TMEM62: variants seen among roughly 807,000 people sequenced by gnomAD.
The protein encoded by TMEM62 is transmembrane protein 62.
In TMEM62, 41 loss-of-function variants were observed where a neutral mutation model predicts 70.4. That is an observed-to-expected ratio of 0.58 (90% CI 0.45 to 0.76). The LOEUF (loss-of-function observed/expected upper bound fraction) is 0.76. TMEM62 is among the 30% of genes least tolerant of loss of function. The pLI is 0.00. For missense variants in TMEM62, 688 were observed against 788.5 expected, an observed-to-expected ratio of 0.87 and a Z score of 1.53; for synonymous variants, 268 against 291.0, an observed-to-expected ratio of 0.92 and a Z score of 0.80.
rs180931930 is a variant in TMEM62, at chr15:43,177,605, T to C, written c.1382-1002T>C. Among the ~76,000 whole-genome samples the C allele has an allele frequency of 3.0e-3, 460 of 152,242 alleles. 1 individual carries two copies. Among genetic ancestry groups the C allele is most frequent in the Non-Finnish European group, 4.4e-3 (297 of 68,040 alleles). On this transcript the variant is annotated intron_variant, in intron 11 of 13. Transcript: ENST00000260403. ...AGCAAAGACTTGGAACCAACCCAAA[T>C]GTCCAACAACGATAGACTGGATTAA...
Position 43,133,788 on chromosome 15 carries a change from C to T in TMEM62, c.-15C>T. ...CGCGGGATCAGCGAGGGCCGCGCCC[C>T]GGCGGGCGGGCGGCATGGCTGCAGT... is the stretch of plus-strand genomic sequence containing the variant. On this transcript the variant is annotated 5_prime_UTR_variant, in exon 1 of 14. Transcript: ENST00000260403. The T allele has an allele frequency of 7.4e-7, 1 of 1,354,352 alleles. No homozygotes were observed. The highest frequency in any genetic ancestry group is 9.4e-7 in the Non-Finnish European group (1 of 1,062,546). 83.9% of individuals were successfully genotyped at this position (1,354,352 alleles called of 1,614,324 possible). A position where few individuals can be genotyped will look rare whatever the true frequency, so the allele number is the denominator to read the frequency against.
rs1444428888 is a variant in TMEM62 at position 43,178,680 on chromosome 15, T to G, written c.1455T>G (p.Ser485=). The G allele has an allele frequency of 2.5e-6, 4 of 1,612,520 alleles. No homozygotes were observed. The African/African-American group carries it at 5.3e-5, about 22-fold the overall frequency. ...VLSKINIFYY[S]VLLLTLYTVL... is the part of the protein sequence containing the mutation. ...GCAAAATAAACATCTTCTACTATTCTGTGTTGTTGTTGACCCTGTATACAG... is the reference window on the plus strand; with the variant it reads ...GCAAAATAAACATCTTCTACTATTCGGTGTTGTTGTTGACCCTGTATACAG... The change falls in exon 12 of 14, where the codon TCT becomes TCG. Residue 485 remains serine, a synonymous_variant. Coordinates refer to ENST00000260403, the MANE Select transcript of TMEM62 (RefSeq NM_024956.4).
chr15:43,136,455 T>C (rs2035230259), intron 3 of TMEM62, among the ~76,000 whole-genome samples: 1 of 152,162 alleles, frequency 6.6e-6, no homozygotes, highest in African/African-American at 2.4e-5. Context: ...TTATTATTAT[T>C]ATTTTGTGAG....
chr15:43,135,496 T>C lies in TMEM62; in HGVS notation c.293-16T>C, dbSNP rs185581026. ...TTTATTTTGCATTGTGATTCAATTC[T>C]TGTGTAAACCTACAGGAGACCTGAC... On this transcript the variant is annotated splice_polypyrimidine_tract_variant and intron_variant, in intron 2 of 13. Coordinates refer to ENST00000260403, the MANE Select transcript of TMEM62 (RefSeq NM_024956.4). 6.4e-7 allele frequency: 1 copy of C among 1,574,708 alleles called. No homozygotes were observed. The highest frequency in any genetic ancestry group is 1.4e-5 in the African/African-American group (1 of 72,612).
At chr15:43,137,826 A>G (rs1245561011) in intron 3 of TMEM62, among the ~76,000 whole-genome samples, 1 of 152,228 alleles carries the variant, frequency 6.6e-6, no homozygotes, top group African/African-American at 2.4e-5. Flanking sequence ...GCTGCCTGTC[A>G]TGGGGGCAGC....
intron 11 of TMEM62, among the ~76,000 whole-genome samples, chr15:43,174,025 A>C (rs936552358): frequency 2.6e-5 from 4 of 151,660 alleles, no homozygotes; most frequent in Non-Finnish European, 5.9e-5. Context: ...ACACCCAGGT[A>C]ATTTTTGTAT....
At chr15:43,168,635 C>T (rs975915098) in intron 10 of TMEM62, among the ~76,000 whole-genome samples, 3 of 152,106 alleles carry the variant, frequency 2.0e-5, no homozygotes, top group East Asian at 1.9e-4. Context: ...CTTGTTTCCA[C>T]AAGAGGAAGG....
intron 4 of TMEM62, among the ~76,000 whole-genome samples, chr15:43,143,022 C>A (rs1175498256): frequency 6.6e-6 from 1 of 151,964 alleles, no homozygotes; most frequent in East Asian, 1.9e-4. Context: ...AGACATGATG[C>A]AATTGCACAC....
chr15:43,135,675 A>G, intron 3 of TMEM62, 26 bp downstream of exon 3: 2 of 1,555,712 alleles, frequency 1.3e-6, no homozygotes, highest in Non-Finnish European at 1.7e-6. Context: ...CAGATACAAT[A>G]AAGACAAGAG....
intron 2 of TMEM62, among the ~76,000 whole-genome samples, chr15:43,134,985 G>A (rs939045722): frequency 2.0e-5 from 3 of 152,044 alleles, no homozygotes; most frequent in African/African-American, 7.2e-5. Flanking sequence ...GACATGAAAG[G>A]GTATCAGTTC....
At chr15:43,154,507 A>T (rs920853043) in intron 8 of TMEM62, among the ~76,000 whole-genome samples, 165 bp from the exon 9 acceptor site, 1 of 152,228 alleles carries the variant, frequency 6.6e-6, no homozygotes, top group African/African-American at 2.4e-5. Context: ...TCCAGAAGCC[A>T]CCATTCGGAA....
intron 10 of TMEM62, among the ~76,000 whole-genome samples, chr15:43,167,489 C>T (rs1438887101): frequency 1.3e-4 from 19 of 148,982 alleles, no homozygotes; most frequent in Non-Finnish European, 2.4e-4. Context: ...CCGGACGGGG[C>T]GGCAGGGCAG....
At chr15:43,162,755 T>C (rs2038902870) in intron 10 of TMEM62, among the ~76,000 whole-genome samples, 1 of 152,002 alleles carries the variant, frequency 6.6e-6, no homozygotes, top group Non-Finnish European at 1.5e-5. Flanking sequence ...TAATCACTTC[T>C]CTATTGTTGG....
intron 8 of TMEM62, among the ~76,000 whole-genome samples, chr15:43,152,417 CAG>C (rs10548180): frequency 0.037 from 5,634 of 152,126 alleles, 345 homozygotes; most frequent in African/African-American, 0.12. Context: ...TGATTTTCGA[CAG>C]AGTCTTGCTT....
rs754059585 is a variant in TMEM62, at chr15:43,178,630, ACCT to A, written c.1407_1409del (p.Ser470del). On this transcript the variant is annotated inframe_deletion, in exon 12 of 14. Transcript: ENST00000260403. ...AGAACCTTCAGGGTTTATAAATCTGACCTCATTTTCTCTTCATGTCTTGAGCAA... is the reference window on the plus strand; with the variant it reads ...AGAACCTTCAGGGTTTATAAATCTGACATTTTCTCTTCATGTCTTGAGCAA... The A allele has an allele frequency of 3.7e-6, 6 of 1,611,386 alleles. No homozygotes were observed. The South Asian group carries it at 6.6e-5, about 18-fold the overall frequency.
At chr15:43,164,673 T>A (rs955545076) in intron 10 of TMEM62, among the ~76,000 whole-genome samples, 5 of 152,182 alleles carry the variant, frequency 3.3e-5, no homozygotes, top group Admixed American at 6.5e-5. Flanking sequence ...TCATTGCTCA[T>A]TAACATCCTT....
chr15:43,142,593 C>G (rs1160190982), intron 4 of TMEM62, among the ~76,000 whole-genome samples: 1 of 152,158 alleles, frequency 6.6e-6, no homozygotes, highest in Non-Finnish European at 1.5e-5. Context: ...AAACAAGACC[C>G]TCCACCAGTA....
intron 12 of TMEM62, chr15:43,180,523 G>A (rs2041229206): frequency 6.6e-6 from 1 of 152,088 alleles, no homozygotes. Context: ...AAGACAAAAT[G>A]ACAATAATAA....
intron 8 of TMEM62, among the ~76,000 whole-genome samples, chr15:43,154,350 A>C (rs2037785046): frequency 6.6e-6 from 1 of 152,212 alleles, no homozygotes. Context: ...TTTTCCTAAG[A>C]GAAAAATCAG....
Sources: gnomAD v4.1 joint callset for allele counts (sites outside exome capture counted in the v4.1 genomes callset) on GRCh38, gnomAD v4.1.1 for gene constraint, MANE v1.5 for transcripts, NCBI Gene and HGNC (gene_info 2026-07-23, HGNC 2026-07-21) for gene names.